The following CEP112 variants were observed in gnomAD, a reference collection of about 807,000 sequenced individuals.
CEP112 encodes the protein centrosomal protein of 112 kDa.
A neutral mutation model predicts 153.0 loss-of-function variants in CEP112; 127 were observed. That is an observed-to-expected ratio of 0.83 (90% CI 0.72 to 0.96). The LOEUF (loss-of-function observed/expected upper bound fraction) is 0.96. Among genes scored for constraint, CEP112 ranks in the 40% least tolerant of loss-of-function variants. CEP112 has a pLI of 0.00. For synonymous variants in CEP112, 358 were observed against 374.4 expected (o/e 0.96, Z 0.51); for missense variants, 1,089 against 1,101.2 (o/e 0.99, Z 0.16).
At chr17:65,924,598 C>CCCAT (rs1284241878) in intron 19 of CEP112, among the ~76,000 whole-genome samples, 1 of 152,076 alleles carries the variant, frequency 6.6e-6, no homozygotes, top group Admixed American at 6.6e-5. Context: ...AGGTCCTTGC[C>CCCAT]CCATCCCACT....
intron 23 of CEP112, among the ~76,000 whole-genome samples, chr17:65,707,685 G>A (rs1170058190): frequency 6.6e-6 from 1 of 152,086 alleles, no homozygotes; most frequent in African/African-American, 2.4e-5. Flanking sequence ...TCTGATTAAA[G>A]TTTCTTGTCA....
chr17:65,784,489 CT>C (rs979461680), intron 21 of CEP112, among the ~76,000 whole-genome samples: 2 of 152,094 alleles, frequency 1.3e-5, no homozygotes, highest in Non-Finnish European at 2.9e-5. Flanking sequence ...GCTACTTTTT[CT>C]TTTTGTTTGA....
chr17:65,827,418 T>C (rs2056885296), intron 21 of CEP112, among the ~76,000 whole-genome samples: 1 of 152,146 alleles, frequency 6.6e-6, no homozygotes, highest in Non-Finnish European at 1.5e-5. Context: ...GAAAATCATA[T>C]TTACTCTTAC....
intron 19 of CEP112, among the ~76,000 whole-genome samples, chr17:65,918,352 T>C (rs531591470): frequency 6.6e-6 from 1 of 152,200 alleles, no homozygotes; most frequent in Admixed American, 6.5e-5. Flanking sequence ...TTGCTTATCT[T>C]GCAGAATTTG....
At chr17:66,138,399 A>G (rs752396011) in intron 4 of CEP112, among the ~76,000 whole-genome samples, 4 of 152,202 alleles carry the variant, frequency 2.6e-5, no homozygotes, top group Non-Finnish European at 4.4e-5. Context: ...AACTCAAATA[A>G]GACAAACGTT....
chr17:65,730,084 C>T (rs558154433), intron 23 of CEP112, among the ~76,000 whole-genome samples: 12 of 152,348 alleles, frequency 7.9e-5, no homozygotes, highest in African/African-American at 2.4e-4. Context: ...TGTATTCGCT[C>T]ATCAAACCTT....
intron 1 of CEP112, among the ~76,000 whole-genome samples, chr17:66,184,378 C>T (rs554756977): frequency 1.6e-4 from 25 of 152,218 alleles, no homozygotes; most frequent in South Asian, 6.2e-4. Flanking sequence ...GCAAATCATA[C>T]ATCTCATACG....
At chr17:66,082,990 A>G (rs1406965256) in intron 8 of CEP112, among the ~76,000 whole-genome samples, 3 of 152,162 alleles carry the variant, frequency 2.0e-5, no homozygotes, top group African/African-American at 7.2e-5. Flanking sequence ...TTTATTAAAT[A>G]GCTCCATTTC....
chr17:65,660,159 A>T (rs1055673655), intron 24 of CEP112, among the ~76,000 whole-genome samples: 2 of 129,952 alleles, frequency 1.5e-5, no homozygotes, highest in Non-Finnish European at 3.2e-5. Context: ...CTGATTGGAG[A>T]CTAATATACC....
chr17:66,053,601 T>C (rs944273991), intron 12 of CEP112, 135 bp downstream of exon 12: 3 of 772,088 alleles, frequency 3.9e-6, no homozygotes, highest in Non-Finnish European at 6.0e-6. Context: ...TAAATCTGTA[T>C]GGAGTAGGAA....
chr17:65,857,275 A>C (rs1160523698), intron 20 of CEP112, among the ~76,000 whole-genome samples: 1 of 152,234 alleles, frequency 6.6e-6, no homozygotes. Context: ...GAACAACAAC[A>C]ACAAAATAAG....
At chr17:65,901,910 G>C (rs2059863382) in intron 20 of CEP112, among the ~76,000 whole-genome samples, 1 of 139,092 alleles carries the variant, frequency 7.2e-6, no homozygotes, top group Non-Finnish European at 1.5e-5. Context: ...AGGGGGCCAA[G>C]TTATAGCGCG....
At chr17:65,926,287 G>A (rs2060920758) in intron 19 of CEP112, among the ~76,000 whole-genome samples, 1 of 152,188 alleles carries the variant, frequency 6.6e-6, no homozygotes, top group Admixed American at 6.5e-5. Flanking sequence ...AGAGCTCATG[G>A]CTGGCTCCTT....
intron 3 of CEP112, among the ~76,000 whole-genome samples, chr17:66,176,074 T>C (rs983113293): frequency 1.3e-5 from 2 of 152,200 alleles, no homozygotes; most frequent in Non-Finnish European, 2.9e-5. Flanking sequence ...AAAACAGGAA[T>C]TATTCTCTAA....
intron 21 of CEP112, among the ~76,000 whole-genome samples, chr17:65,842,856 T>C (rs2057573712): frequency 6.6e-6 from 1 of 152,118 alleles, no homozygotes; most frequent in Non-Finnish European, 1.5e-5. Context: ...ACAAAAGTCT[T>C]AGTTTTTCTT....
rs144075272 is a variant in CEP112, at chr17:66,102,741, T to A, written c.643-6109A>T. ...TGAACCTGGGAGGCAGAGCTTGCAC[T>A]GAGCCGAGATAACCCACTGCACTCC... is the stretch of plus-strand genomic sequence containing the variant. On this transcript the variant is annotated intron_variant, in intron 6 of 26. Transcript: ENST00000535342. 4.4e-3 allele frequency among the ~76,000 whole-genome samples: 635 copies of A among 145,446 alleles called. 6 individuals are homozygous for A. The highest frequency in any genetic ancestry group is 0.016 in the African/African-American group (609 of 39,114).
intron 8 of CEP112, among the ~76,000 whole-genome samples, chr17:66,093,859 G>C (rs2068235492): frequency 6.6e-6 from 1 of 151,906 alleles, no homozygotes; most frequent in South Asian, 2.1e-4. Flanking sequence ...AAGACCCTGA[G>C]TATCCAAGGC....
At chr17:65,788,064 C>T (rs919617837) in intron 21 of CEP112, among the ~76,000 whole-genome samples, 1 of 152,136 alleles carries the variant, frequency 6.6e-6, no homozygotes, top group African/African-American at 2.4e-5. Context: ...GATTAATATT[C>T]TTTATCAGGG....
intron 21 of CEP112, among the ~76,000 whole-genome samples, chr17:65,823,189 G>T (rs2056676183): frequency 6.6e-6 from 1 of 152,024 alleles, no homozygotes; most frequent in African/African-American, 2.4e-5. Flanking sequence ...AATTCATTAT[G>T]CTGATTCTAA....
Sources: gnomAD v4.1 joint callset for allele counts (sites outside exome capture counted in the v4.1 genomes callset) on GRCh38, gnomAD v4.1.1 for gene constraint, MANE v1.5 for transcripts, NCBI Gene and HGNC (gene_info 2026-07-23, HGNC 2026-07-21) for gene names.